Variants in LRRIQ3 observed in about 807,000 individuals in gnomAD.
LRRIQ3 encodes leucine rich repeats and IQ motif containing 3.
LRRIQ3 carries 75 observed loss-of-function variants against 59.3 expected under a neutral mutation model. That is an observed-to-expected ratio of 1.26 (90% CI 1.05 to 1.53). The LOEUF is 1.53. LRRIQ3 is among the 40% of genes most tolerant of loss of function. The pLI is 0.00. For missense variants in LRRIQ3, 831 were observed against 710.0 expected (o/e 1.17, Z -1.94); for synonymous variants, 250 against 231.3 (o/e 1.08, Z -0.73).
intron 3 of LRRIQ3, among the ~76,000 whole-genome samples, chr1:74,174,380 T>TCTTC (rs1433324419): frequency 2.0e-5 from 3 of 151,640 alleles, no homozygotes; most frequent in East Asian, 1.9e-4. Flanking sequence ...GCCCTTCCCC[T>TCTTC]CTTCCTTCCT....
intron 7 of LRRIQ3, among the ~76,000 whole-genome samples, chr1:74,033,984 T>C (rs1218377219): frequency 6.6e-6 from 1 of 152,042 alleles, no homozygotes; most frequent in Non-Finnish European, 1.5e-5. Flanking sequence ...ACATAGATTC[T>C]TTCATTTCAA....
intron 4 of LRRIQ3, among the ~76,000 whole-genome samples, chr1:74,132,216 A>G (rs1426336477): frequency 3.9e-5 from 6 of 152,200 alleles, no homozygotes; most frequent in Admixed American, 2.0e-4. Flanking sequence ...GATCAATGAA[A>G]TAAAAGAGGA....
chr1:74,079,401 CCT>C (rs1400063209), intron 5 of LRRIQ3, among the ~76,000 whole-genome samples: 1 of 151,752 alleles, frequency 6.6e-6, no homozygotes, highest in Non-Finnish European at 1.5e-5. Flanking sequence ...GGAACACTCT[CCT>C]TCCCAAAATG....
chr1:74,053,787 A>T (rs1442148849), intron 6 of LRRIQ3, among the ~76,000 whole-genome samples: 1 of 152,196 alleles, frequency 6.6e-6, no homozygotes, highest in Non-Finnish European at 1.5e-5. Flanking sequence ...TCCACATCAT[A>T]TGTTATTAGA....
At chr1:74,130,480 T>C (rs992007304) in intron 4 of LRRIQ3, among the ~76,000 whole-genome samples, 1 of 151,996 alleles carries the variant, frequency 6.6e-6, no homozygotes, top group African/African-American at 2.4e-5. Flanking sequence ...ACTGCCAGAG[T>C]GTGGGGGAAG....
At chr1:74,123,874 C>T (rs1646897665) in intron 4 of LRRIQ3, among the ~76,000 whole-genome samples, 1 of 151,940 alleles carries the variant, frequency 6.6e-6, no homozygotes, top group African/African-American at 2.4e-5. Context: ...ATTTGAGGAA[C>T]ATCCAAGCTG....
intron 6 of LRRIQ3, among the ~76,000 whole-genome samples, chr1:74,056,195 C>A (rs1654530488): frequency 6.6e-6 from 1 of 150,672 alleles, no homozygotes; most frequent in Non-Finnish European, 1.5e-5. Flanking sequence ...ATAAACTCAA[C>A]AAATTAGATA....
At chr1:74,172,302 G>C (rs1041246685) in intron 3 of LRRIQ3, among the ~76,000 whole-genome samples, 9 of 151,942 alleles carry the variant, frequency 5.9e-5, no homozygotes, top group Non-Finnish European at 1.2e-4. Flanking sequence ...ATTTTAGTAA[G>C]TTCATTTTCA....
chr1:74,043,298 C>A (rs941763067), intron 6 of LRRIQ3, among the ~76,000 whole-genome samples: 1 of 152,012 alleles, frequency 6.6e-6, no homozygotes, highest in Non-Finnish European at 1.5e-5. Context: ...AGAAAATTAC[C>A]TTGTCTTTAT....
At chr1:74,156,225 G>C (rs1648318777) in intron 3 of LRRIQ3, among the ~76,000 whole-genome samples, 1 of 152,078 alleles carries the variant, frequency 6.6e-6, no homozygotes, top group African/African-American at 2.4e-5. Context: ...CTCTCACCAT[G>C]TGACTTGCCT....
intron 4 of LRRIQ3, among the ~76,000 whole-genome samples, chr1:74,150,574 T>C (rs573749786): frequency 7.9e-5 from 12 of 152,258 alleles, no homozygotes; most frequent in African/African-American, 2.6e-4. Flanking sequence ...CTAAGTATCT[T>C]AGACTTTTCT....
chr1:74,036,168 G>A (rs1337340414), intron 7 of LRRIQ3, among the ~76,000 whole-genome samples: 2 of 152,072 alleles, frequency 1.3e-5, no homozygotes, highest in Non-Finnish European at 2.9e-5. Context: ...ATGGCACATT[G>A]GCACACTATG....
At chr1:74,096,966 A>T (rs1646457984) in intron 5 of LRRIQ3, among the ~76,000 whole-genome samples, 1 of 152,020 alleles carries the variant, frequency 6.6e-6, no homozygotes, top group African/African-American at 2.4e-5. Flanking sequence ...CTACTGGGGG[A>T]TGCCTCCCAG....
At chr1:74,069,925 AT>A (rs1654973379) in intron 6 of LRRIQ3, among the ~76,000 whole-genome samples, 1 of 152,040 alleles carries the variant, frequency 6.6e-6, no homozygotes, top group Non-Finnish European at 1.5e-5. Context: ...CCACAATGAA[AT>A]GCCATCTCGC....
chr1:74,156,920 T>C (rs1648366624), intron 3 of LRRIQ3, among the ~76,000 whole-genome samples: 1 of 152,102 alleles, frequency 6.6e-6, no homozygotes, highest in African/African-American at 2.4e-5. Flanking sequence ...ACAATTGCAT[T>C]GTTCATGAAG....
chr1:74,087,812 C>T (rs1435643058), intron 5 of LRRIQ3, among the ~76,000 whole-genome samples: 1 of 151,978 alleles, frequency 6.6e-6, no homozygotes, highest in East Asian at 1.9e-4. Flanking sequence ...GTAAAAAAGT[C>T]ATCAGGCTGG....
At chr1:74,136,549 T>C (rs10890113) in intron 4 of LRRIQ3, among the ~76,000 whole-genome samples, 74,583 of 151,504 alleles carry the variant, frequency 0.49, 18,641 homozygotes, top group East Asian at 0.77. Context: ...TAGATCTAAT[T>C]ATATATATAT....
In LRRIQ3 at chr1:74,155,689, CCTT is replaced by C. The variant is rs572141603; in HGVS notation, c.707+41_707+43del. The C allele has an allele frequency of 1.3e-4, 194 of 1,498,198 alleles. No homozygotes were observed. In the African/African-American group the frequency reaches 2.4e-3, roughly 18 times the overall value. 92.8% of individuals were successfully genotyped at this position (1,498,198 alleles called of 1,614,324 possible). On this transcript the variant is annotated intron_variant, in intron 4 of 7. Coordinates refer to ENST00000354431, the MANE Select transcript of LRRIQ3 (RefSeq NM_001105659.2). Reference sequence around the variant, plus strand: ...TGACTTCTTATCATTTATTTCTTCACCTTCTTATTTCAATATTCAAATGGTAAA... The same window carrying C: ...TGACTTCTTATCATTTATTTCTTCACCTTATTTCAATATTCAAATGGTAAA...
chr1:74,110,533 T>C (rs1348955092), intron 4 of LRRIQ3, among the ~76,000 whole-genome samples: 1 of 151,970 alleles, frequency 6.6e-6, no homozygotes, highest in Admixed American at 6.6e-5. Flanking sequence ...AGAAACCACA[T>C]CAATATCACG....
Sources: allele counts gnomAD v4.1 joint callset (sites outside exome capture counted in the v4.1 genomes callset), GRCh38; gene constraint gnomAD v4.1.1; transcripts MANE v1.5; gene names NCBI Gene and HGNC (gene_info 2026-07-23, HGNC 2026-07-21).